ACSM2B: variants seen among roughly 807,000 people sequenced by gnomAD.
The protein encoded by ACSM2B is acyl-CoA synthetase medium chain family member 2B.
In ACSM2B, 58 loss-of-function variants were observed where a neutral mutation model predicts 78.6. That is an observed-to-expected ratio of 0.74 (90% confidence interval 0.60 to 0.92). ACSM2B has a LOEUF of 0.92. Among genes scored for constraint, ACSM2B ranks in the 40% least tolerant of loss-of-function variants. The pLI is 0.00. For missense variants in ACSM2B, 688 were observed against 711.2 expected (o/e 0.97, Z 0.37); for synonymous variants, 257 against 256.8 (o/e 1.00, Z -0.01).
intron 6 of ACSM2B, among the ~76,000 whole-genome samples, chr16:20,551,354 G>A (rs546091849): frequency 5.7e-4 from 86 of 151,908 alleles, no homozygotes; most frequent in African/African-American, 1.7e-3. Context: ...ATTTGGAGGT[G>A]GGGCTTTTAG....
At chr16:20,538,548 AAG>A (rs2014904369) in intron 13 of ACSM2B, among the ~76,000 whole-genome samples, 1 of 152,118 alleles carries the variant, frequency 6.6e-6, no homozygotes, top group Non-Finnish European at 1.5e-5. Context: ...ATGAAGAGAG[AAG>A]TAGAAAGGAC....
chr16:20,565,371 T>A (rs141352128), intron 1 of ACSM2B, among the ~76,000 whole-genome samples: 16 of 152,244 alleles, frequency 1.1e-4, no homozygotes, highest in African/African-American at 3.6e-4. Flanking sequence ...CCCCTCTGCA[T>A]GAGACTTGCA....
chr16:20,541,619 T>G (rs1213335347), intron 12 of ACSM2B: 1 of 151,960 alleles, frequency 6.6e-6, no homozygotes, highest in African/African-American at 2.4e-5. Context: ...TAGTACTTAC[T>G]ATGTGCTAGG....
chr16:20,540,581 T>C (rs1264490615), intron 13 of ACSM2B, 73 bp downstream of exon 13: 1 of 1,584,628 alleles, frequency 6.3e-7, no homozygotes, highest in Non-Finnish European at 8.6e-7. Context: ...GTCCTCCTCC[T>C]GAAGAAGATA....
Position 20,568,260 on chromosome 16 carries a change from T to A in ACSM2B, c.-8-3407A>T, listed in dbSNP as rs1398073967. On this transcript the variant is annotated intron_variant, in intron 1 of 13. Transcript: ENST00000329697. ...TTATATATACTATATATAGCCACAC[T>A]ATAGAACATATAGTATATATAGATA... Among the ~76,000 whole-genome samples the A allele has an allele frequency of 3.4e-5, 5 of 144,978 alleles. No homozygotes were observed. The Admixed American group carries it at 3.5e-4, about 10-fold the overall frequency.
At chr16:20,561,452 T>C (rs1482326131) in intron 2 of ACSM2B, among the ~76,000 whole-genome samples, 1 of 151,256 alleles carries the variant, frequency 6.6e-6, no homozygotes, top group Admixed American at 6.6e-5. Flanking sequence ...GTGCCATGTA[T>C]GTTAAAACAA....
intron 2 of ACSM2B, among the ~76,000 whole-genome samples, chr16:20,561,387 G>T (rs562605138): frequency 1.1e-4 from 16 of 151,096 alleles, no homozygotes; most frequent in Non-Finnish European, 1.5e-4. Context: ...GAAGGTGAGG[G>T]GGGAGCAGGT....
At chr16:20,567,874 T>G (rs2015976307) in intron 1 of ACSM2B, among the ~76,000 whole-genome samples, 1 of 142,792 alleles carries the variant, frequency 7.0e-6, no homozygotes. Context: ...TATAGATATA[T>G]ACTATACTAT....
intron 12 of ACSM2B, 115 bp from the exon 13 acceptor site, chr16:20,540,888 C>G: frequency 7.0e-7 from 1 of 1,432,368 alleles, no homozygotes; most frequent in South Asian, 1.5e-5. Flanking sequence ...CATTTGCACC[C>G]CCGGTGATCC....
At chr16:20,547,995 T>C (rs1453098754) in intron 8 of ACSM2B, 67 bp downstream of exon 8, 3 of 1,597,772 alleles carry the variant, frequency 1.9e-6, no homozygotes, top group Admixed American at 3.5e-5. Context: ...TAACATGTTT[T>C]ATTGTCAAAG....
chr16:20,557,005 C>T (rs1202103324), intron 3 of ACSM2B, among the ~76,000 whole-genome samples: 1 of 152,006 alleles, frequency 6.6e-6, no homozygotes, highest in African/African-American at 2.4e-5. Context: ...GCCCATTGTC[C>T]CCAGAATATG....
chr16:20,575,869 C>T (rs1319351413), intron 1 of ACSM2B: 1 of 151,292 alleles, frequency 6.6e-6, no homozygotes, highest in Non-Finnish European at 1.5e-5. Context: ...GCCTTTGTAC[C>T]TGCTGGTCCC....
At chr16:20,548,319 G>T (rs2015204763) in intron 7 of ACSM2B, 75 bp downstream of exon 7, 1 of 1,606,230 alleles carries the variant, frequency 6.2e-7, no homozygotes. Flanking sequence ...GATTCAGATA[G>T]ATAGGCATGA....
At chr16:20,538,547 G>A (rs554642054) in intron 13 of ACSM2B, among the ~76,000 whole-genome samples, 1 of 152,260 alleles carries the variant, frequency 6.6e-6, no homozygotes, top group Non-Finnish European at 1.5e-5. Flanking sequence ...CATGAAGAGA[G>A]AAGTAGAAAG....
chr16:20,559,040 G>T (rs1351184784), intron 3 of ACSM2B, among the ~76,000 whole-genome samples, 197 bp downstream of exon 3: 2 of 152,196 alleles, frequency 1.3e-5, no homozygotes, highest in Middle Eastern at 3.2e-3. Context: ...CTATGTCATT[G>T]TTGTTGTTCA....
chr16:20,573,363 G>A (rs71384489), intron 1 of ACSM2B, among the ~76,000 whole-genome samples: 25,179 of 148,150 alleles, frequency 0.17, 2,358 homozygotes, highest in East Asian at 0.6. Context: ...ACTGCCTCAG[G>A]GGAGGCCATC....
intron 13 of ACSM2B, among the ~76,000 whole-genome samples, chr16:20,538,581 AG>A (rs904659669): frequency 1.3e-5 from 2 of 152,090 alleles, no homozygotes; most frequent in African/African-American, 4.8e-5. Context: ...TGGTGAAAGG[AG>A]GGGGAGGGTG....
chr16:20,564,668 C>G lies in ACSM2B; in HGVS notation c.177+1G>C. On this transcript the variant is annotated splice_donor_variant, in intron 2 of 13. Transcript: ENST00000329697. LOFTEE classifies it high-confidence loss of function. ...TCTGTGCCTCTTTTCCATCCCATTA[C>G]CTTCTCCATGTCAGCCCAGTGATCC... 6.2e-7 allele frequency: 1 copy of G among 1,613,678 alleles called. No homozygotes were observed. Among genetic ancestry groups the G allele is most frequent in the South Asian group, 1.1e-5 (1 of 91,054 alleles).
chr16:20,573,750 G>A (rs1240185139), intron 1 of ACSM2B, among the ~76,000 whole-genome samples: 1 of 151,508 alleles, frequency 6.6e-6, no homozygotes, highest in Non-Finnish European at 1.5e-5. Context: ...GGACTATGAT[G>A]GTGACCCCGA....
Sources: allele counts gnomAD v4.1 joint callset (sites outside exome capture counted in the v4.1 genomes callset), GRCh38; gene constraint gnomAD v4.1.1; transcripts MANE v1.5; gene names NCBI Gene and HGNC (gene_info 2026-07-23, HGNC 2026-07-21).